Variants in KAT6A observed in about 807,000 individuals in gnomAD.
The protein encoded by KAT6A is lysine acetyltransferase 6A.
Under a neutral mutation model 198.4 loss-of-function variants are expected in KAT6A, and 9 were observed. The ratio of observed to expected loss-of-function variants is 0.05; its 90% CI spans 0.03 to 0.08. The LOEUF (loss-of-function observed/expected upper bound fraction) is 0.08. Ranked by LOEUF, KAT6A falls within the 10% of genes least tolerant of loss-of-function variation. The pLI, the probability that KAT6A is intolerant of heterozygous loss-of-function variation, is 1.00. For missense variants in KAT6A, 2,077 were observed against 2,509.9 expected, an observed-to-expected ratio of 0.83 and a Z score of 3.69; for synonymous variants, 890 against 883.0, an observed-to-expected ratio of 1.01 and a Z score of -0.14.
At chr8:41,968,055 T>C (rs1283597230) in intron 8 of KAT6A, among the ~76,000 whole-genome samples, 6 of 152,034 alleles carry the variant, frequency 3.9e-5, no homozygotes, top group Middle Eastern at 3.2e-3. Flanking sequence ...ATTCAGGACA[T>C]AGGCATGGGC....
chr8:41,998,192 A>C (rs952717510), intron 2 of KAT6A, among the ~76,000 whole-genome samples: 1 of 152,138 alleles, frequency 6.6e-6, no homozygotes, highest in Non-Finnish European at 1.5e-5. Context: ...TCAAAGACAA[A>C]ATCCACACAA....
At chr8:41,961,166 T>C (rs1823186644) in intron 8 of KAT6A, among the ~76,000 whole-genome samples, 1 of 152,228 alleles carries the variant, frequency 6.6e-6, no homozygotes, top group Non-Finnish European at 1.5e-5. Context: ...ATGCTTTTGC[T>C]TCCTACTGCA....
chr8:42,048,036 T>C (rs1442517107), intron 2 of KAT6A, among the ~76,000 whole-genome samples: 1 of 151,846 alleles, frequency 6.6e-6, no homozygotes, highest in African/African-American at 2.4e-5. Context: ...GAACCTTTAG[T>C]TAAAGTTTTA....
chr8:41,981,842 A>G lies in KAT6A; in HGVS notation c.822T>C (p.Asn274=). ...TCSSCRDQGK[N]ADNMLFCDSC... ...ATTAGAAGGCAGAGATACTCACCGC[A>G]TTTTTGCCTTGATCTCGACAGGAGC... Residue 274 remains asparagine (N), a synonymous_variant, in exon 4 of 17, where the codon AAT becomes AAC. Coordinates refer to ENST00000265713, the MANE Select transcript of KAT6A (RefSeq NM_006766.5). 1 of 1,604,568 alleles carries G rather than the reference A, an allele frequency of 6.2e-7. No homozygotes were observed. The highest frequency in any genetic ancestry group is 1.3e-5 in the African/African-American group (1 of 74,802).
intron 2 of KAT6A, among the ~76,000 whole-genome samples, chr8:42,026,457 T>TA (rs965826791): frequency 1.3e-5 from 2 of 152,208 alleles, no homozygotes; most frequent in Non-Finnish European, 2.9e-5. Flanking sequence ...TAATCACTGT[T>TA]ACAGTTTCCC....
Position 41,978,409 on chromosome 8 carries a change from G to A in KAT6A, c.1043+233C>T, listed in dbSNP as rs56706985. 0.11 allele frequency among the ~76,000 whole-genome samples: 17,221 copies of A among 152,192 alleles called. 1,240 individuals carry two copies. The highest frequency in any genetic ancestry group is 0.25 in the East Asian group (1,270 of 5,182). On this transcript the variant is annotated intron_variant, in intron 6 of 16. Transcript: ENST00000265713. Reference sequence around the variant, plus strand: ...CTTCCTTTGAAAAATGAAAGTAACAGCAGCAGCTATATTTCACTGGGTTGT... The same window carrying A: ...CTTCCTTTGAAAAATGAAAGTAACAACAGCAGCTATATTTCACTGGGTTGT...
chr8:42,012,046 A>T (rs1826046099), intron 2 of KAT6A, among the ~76,000 whole-genome samples: 1 of 152,242 alleles, frequency 6.6e-6, no homozygotes, highest in Non-Finnish European at 1.5e-5. Context: ...AATGCAAATT[A>T]AAATCACAAT....
At chr8:41,997,720 T>C (rs927276474) in intron 2 of KAT6A, among the ~76,000 whole-genome samples, 1 of 152,124 alleles carries the variant, frequency 6.6e-6, no homozygotes, top group African/African-American at 2.4e-5. Flanking sequence ...GCCTCTCCAG[T>C]CCTCTAGTGG....
At chr8:41,996,796 T>C (rs1403711771) in intron 2 of KAT6A, among the ~76,000 whole-genome samples, 1 of 152,202 alleles carries the variant, frequency 6.6e-6, no homozygotes, top group African/African-American at 2.4e-5. Flanking sequence ...CATATTTTCT[T>C]TATAAATTAC....
intron 2 of KAT6A, among the ~76,000 whole-genome samples, chr8:42,031,038 A>AAGGGGGGGGGG (rs35595569): frequency 1.8e-5 from 2 of 113,376 alleles, no homozygotes; most frequent in Admixed American, 9.2e-5. Context: ...AAAAAAAAAA[A>AAGGGGGGGGGG]GGGGGGGGGG....
intron 5 of KAT6A, 146 bp downstream of exon 5, chr8:41,980,700 C>A: frequency 1.5e-6 from 1 of 662,514 alleles, no homozygotes; most frequent in Non-Finnish European, 2.7e-6. Flanking sequence ...TATCCCCCCA[C>A]CTTTTAAGGT....
At chr8:41,962,608 G>A (rs571898589) in intron 8 of KAT6A, among the ~76,000 whole-genome samples, 3 of 78,858 alleles carry the variant, frequency 3.8e-5, no homozygotes, top group African/African-American at 1.0e-4. Flanking sequence ...ACTGCCCCCC[G>A]CCCCCTCAAT....
chr8:42,023,827 C>CAA (rs200728544), intron 2 of KAT6A, among the ~76,000 whole-genome samples: 10 of 123,074 alleles, frequency 8.1e-5, no homozygotes, highest in African/African-American at 2.1e-4. Context: ...TTTCTCTATC[C>CAA]AAAAAAAAAA....
intron 2 of KAT6A, among the ~76,000 whole-genome samples, chr8:42,020,024 G>C (rs1826454125): frequency 6.6e-6 from 1 of 152,142 alleles, no homozygotes; most frequent in Non-Finnish European, 1.5e-5. Context: ...AAATGAATCA[G>C]TGATGCAGTG....
At position 41,973,246 on chromosome 8, in the gene KAT6A, GAT is replaced by G. The variant is rs922258175; in HGVS notation, c.1482+1456_1482+1457del. On this transcript the variant is annotated intron_variant, in intron 8 of 16. Coordinates refer to ENST00000265713, the MANE Select transcript of KAT6A (RefSeq NM_006766.5). ...CCTTAGAATTTTTTTTTTTTTTTGAGATGGAGTCTCACTCTGTTGCCCAGGCT... is the reference window on the plus strand; with the variant it reads ...CCTTAGAATTTTTTTTTTTTTTTGAGGGAGTCTCACTCTGTTGCCCAGGCT... Among the ~76,000 whole-genome samples, 19 of 148,996 alleles carry G rather than the reference GAT, an allele frequency of 1.3e-4. No individual in the cohort carries two copies. In the South Asian group the frequency reaches 2.3e-3, roughly 18 times the overall value.
chr8:41,992,426 T>C (rs538281181), intron 2 of KAT6A, among the ~76,000 whole-genome samples: 108 of 152,306 alleles, frequency 7.1e-4, no homozygotes, highest in Non-Finnish European at 1.2e-3. Flanking sequence ...CCTATTTAAA[T>C]GTAGAAGAGA....
At chr8:41,977,457 C>T (rs1824118480) in intron 6 of KAT6A, 130 bp from the exon 7 acceptor site, 5 of 595,530 alleles carry the variant, frequency 8.4e-6, no homozygotes, top group South Asian at 5.3e-5. Flanking sequence ...GAATATTCTG[C>T]AAACTATAAA....
intron 2 of KAT6A, among the ~76,000 whole-genome samples, chr8:41,999,305 T>C (rs1156328149): frequency 2.0e-5 from 3 of 152,218 alleles, no homozygotes; most frequent in African/African-American, 4.8e-5. Flanking sequence ...CACTTTCTAT[T>C]TGTCAGTGAT....
chr8:42,047,155 T>TAC (rs961372321), intron 2 of KAT6A, among the ~76,000 whole-genome samples: 1 of 152,232 alleles, frequency 6.6e-6, no homozygotes, highest in African/African-American at 2.4e-5. Context: ...TACTTATGTC[T>TAC]ACCAAGGTGT....
Sources: allele counts gnomAD v4.1 joint callset (sites outside exome capture counted in the v4.1 genomes callset), GRCh38; gene constraint gnomAD v4.1.1; transcripts MANE v1.5; gene names NCBI Gene and HGNC (gene_info 2026-07-23, HGNC 2026-07-21).